The following EIF2B3 variants were observed in gnomAD, a reference collection of about 807,000 sequenced individuals.
EIF2B3 encodes the protein eukaryotic translation initiation factor 2B subunit gamma.
In EIF2B3, 20 loss-of-function variants were observed where a neutral mutation model predicts 54.1. The observed-to-expected ratio is 0.37, with a 90% CI of 0.26 to 0.54. EIF2B3 has a LOEUF of 0.54. EIF2B3 is among the 20% of genes least tolerant of loss of function. EIF2B3 has a pLI of 0.86. For missense variants in EIF2B3, 448 were observed against 547.8 expected, an observed-to-expected ratio of 0.82 and a Z score of 1.82; for synonymous variants, 153 against 188.1, an observed-to-expected ratio of 0.81 and a Z score of 1.52.
At chr1:44,860,412 G>A (rs1654572301) in intron 10 of EIF2B3, among the ~76,000 whole-genome samples, 2 of 152,106 alleles carry the variant, frequency 1.3e-5, no homozygotes, top group Admixed American at 1.3e-4. Context: ...AATTATTTTG[G>A]TAGGTCTCGG....
chr1:44,942,390 TA>T (rs1557696820), intron 3 of EIF2B3, among the ~76,000 whole-genome samples: 2 of 14,780 alleles, frequency 1.4e-4, no homozygotes, highest in East Asian at 5.7e-3. Flanking sequence ...TATATATATA[TA>T]TATATATATA....
intron 4 of EIF2B3, among the ~76,000 whole-genome samples, chr1:44,929,683 G>A (rs1366387632): frequency 6.6e-6 from 1 of 152,192 alleles, no homozygotes; most frequent in East Asian, 1.9e-4. Context: ...GAAACACGGA[G>A]ATGTTATTTT....
At chr1:44,872,797 T>C (rs758827968) in intron 10 of EIF2B3, among the ~76,000 whole-genome samples, 2 of 152,224 alleles carry the variant, frequency 1.3e-5, no homozygotes, top group African/African-American at 2.4e-5. Context: ...ATCTCTACCA[T>C]AGCACCTATC....
At chr1:44,925,365 G>A (rs1435629353) in intron 5 of EIF2B3, 1 of 152,084 alleles carries the variant, frequency 6.6e-6, no homozygotes, top group African/African-American at 2.4e-5. Flanking sequence ...TAAAAAAAAC[G>A]AAATCCGTTA....
At chr1:44,898,776 T>G (rs993229977) in intron 5 of EIF2B3, among the ~76,000 whole-genome samples, 1 of 152,212 alleles carries the variant, frequency 6.6e-6, no homozygotes, top group African/African-American at 2.4e-5. Flanking sequence ...CACTGTAGCC[T>G]CTACCTCCTG....
intron 6 of EIF2B3, among the ~76,000 whole-genome samples, chr1:44,895,702 T>C (rs1655948207): frequency 6.6e-6 from 1 of 152,004 alleles, no homozygotes; most frequent in South Asian, 2.1e-4. Flanking sequence ...CAATTTAGGG[T>C]AATGGGGGGA....
intron 6 of EIF2B3, among the ~76,000 whole-genome samples, chr1:44,892,027 T>C (rs1655814008): frequency 6.6e-6 from 1 of 152,064 alleles, no homozygotes; most frequent in Admixed American, 6.6e-5. Context: ...GCGTGAGCTA[T>C]TGCACCTGGC....
At chr1:44,942,931 C>A (rs1052418206) in intron 3 of EIF2B3, among the ~76,000 whole-genome samples, 3 of 152,042 alleles carry the variant, frequency 2.0e-5, no homozygotes, top group Admixed American at 6.5e-5. Flanking sequence ...TCTCGGCTCA[C>A]GGCAAGCTCC....
chr1:44,964,628 C>A (rs1644318122), intron 3 of EIF2B3, among the ~76,000 whole-genome samples: 1 of 152,150 alleles, frequency 6.6e-6, no homozygotes, highest in Admixed American at 6.5e-5. Context: ...TAACAATAGT[C>A]CTTTCTCTAC....
chr1:44,941,885 G>A (rs1569794580), intron 3 of EIF2B3, among the ~76,000 whole-genome samples: 1 of 152,288 alleles, frequency 6.6e-6, no homozygotes, highest in East Asian at 1.9e-4. Flanking sequence ...CTCAGGAACT[G>A]TGTGGGCAGT....
intron 4 of EIF2B3, among the ~76,000 whole-genome samples, chr1:44,930,938 G>A (rs1244751217): frequency 6.6e-6 from 1 of 152,094 alleles, no homozygotes; most frequent in Admixed American, 6.6e-5. Context: ...CCCAACCAAG[G>A]CTCTATACAT....
chr1:44,909,512 T>C (rs1236140556), intron 5 of EIF2B3, among the ~76,000 whole-genome samples: 1 of 152,084 alleles, frequency 6.6e-6, no homozygotes, highest in Admixed American at 6.6e-5. Flanking sequence ...AGCCCTGAAA[T>C]GATCAGGAAT....
rs145369964 is a variant in EIF2B3, at chr1:44,887,562, T to C, written c.657-5823A>G. ...ACAGTAGAACGTTCCGAATGAACAA[T>C]GCACTGAAGTGCATTGAGACTCATC... On this transcript the variant is annotated intron_variant, in intron 6 of 11. Coordinates refer to ENST00000360403, the MANE Select transcript of EIF2B3 (RefSeq NM_020365.5). 1.7e-4 allele frequency among the ~76,000 whole-genome samples: 26 copies of C among 152,348 alleles called. No homozygotes were observed. In the East Asian group the frequency reaches 5.0e-3, roughly 29 times the overall value.
intron 3 of EIF2B3, among the ~76,000 whole-genome samples, chr1:44,947,150 T>A (rs1644111879): frequency 6.6e-6 from 1 of 152,122 alleles, no homozygotes; most frequent in Non-Finnish European, 1.5e-5. Flanking sequence ...GTATGCCTCA[T>A]CCCAAGCCTG....
rs1443249791 is a variant in EIF2B3, at chr1:44,881,706, T to C, written c.690A>G (p.Pro230=). The C allele has an allele frequency of 1.2e-6, 2 of 1,614,150 alleles. No individual in the cohort carries two copies. The highest frequency in any genetic ancestry group is 3.3e-5 in the Admixed American group (2 of 60,028). ...SITSIRSELI[P]YLVRKQFSSA... The stretch of plus-strand genomic sequence containing the variant: ...AGGAAAACTGTTTTCTCACTAAATA[T>C]GGAATCAGTTCACTCCGGATAGAAG... The change falls in exon 7 of 12, where the codon CCA becomes CCG. Residue 230 remains proline (P), a synonymous_variant. Coordinates refer to ENST00000360403, the MANE Select transcript of EIF2B3 (RefSeq NM_020365.5). The surrounding 1 kb of genome is among the most constrained non-coding windows in gnomAD (Gnocchi z 4.0).
At chr1:44,931,716 T>A (rs1226265906) in intron 4 of EIF2B3, among the ~76,000 whole-genome samples, 1 of 152,352 alleles carries the variant, frequency 6.6e-6, no homozygotes, top group East Asian at 1.9e-4. Context: ...TACCACTTGA[T>A]AGATGCAGAA....
intron 5 of EIF2B3, among the ~76,000 whole-genome samples, chr1:44,919,910 T>C (rs966800689): frequency 8.7e-5 from 13 of 149,514 alleles, no homozygotes; most frequent in African/African-American, 2.7e-4. Flanking sequence ...TTAGTAGATA[T>C]GGAGTTTCTC....
chr1:44,953,089 C>T (rs559552349), intron 3 of EIF2B3, among the ~76,000 whole-genome samples: 5 of 150,818 alleles, frequency 3.3e-5, no homozygotes, highest in African/African-American at 9.8e-5. Flanking sequence ...GGATCACTCC[C>T]GTCAGTATAG....
intron 5 of EIF2B3, among the ~76,000 whole-genome samples, chr1:44,915,177 GT>G (rs1643596840): frequency 6.6e-6 from 1 of 151,118 alleles, no homozygotes; most frequent in South Asian, 2.1e-4. Flanking sequence ...GCACATGCCT[GT>G]AATCCCACCT....
Sources: allele counts gnomAD v4.1 joint callset (sites outside exome capture counted in the v4.1 genomes callset), GRCh38; gene constraint gnomAD v4.1.1; non-coding constraint Gnocchi (gnomAD v3.1); transcripts MANE v1.5; gene names NCBI Gene and HGNC (gene_info 2026-07-23, HGNC 2026-07-21).